The following KCNIP4 variants were observed in gnomAD, a reference collection of about 807,000 sequenced individuals.
The protein encoded by KCNIP4 is potassium voltage-gated channel interacting protein 4, also known as Kv channel-interacting protein 4.
In KCNIP4, 12 loss-of-function variants were observed where a neutral mutation model predicts 34.0. The observed-to-expected ratio is 0.35, with a 90% CI of 0.23 to 0.57. The LOEUF is 0.57. Ranked by LOEUF, KCNIP4 falls within the 20% of genes least tolerant of loss-of-function variation. KCNIP4 has a pLI of 0.83. For missense variants in KCNIP4, 238 were observed against 311.7 expected (o/e 0.76, Z 1.78); for synonymous variants, 124 against 102.2 (o/e 1.21, Z -1.29).
intron 1 of KCNIP4, among the ~76,000 whole-genome samples, chr4:21,477,775 A>G (rs1417167599): frequency 6.6e-6 from 1 of 152,198 alleles, no homozygotes; most frequent in African/African-American, 2.4e-5. Context: ...CTGCAAAAGC[A>G]AGTCCCATTG....
At chr4:21,123,150 T>C (rs1023930379) in intron 1 of KCNIP4, among the ~76,000 whole-genome samples, 4 of 151,824 alleles carry the variant, frequency 2.6e-5, no homozygotes, top group East Asian at 3.9e-4. Flanking sequence ...GAAGGCGGAG[T>C]TTGCAGTGAG....
chr4:21,419,638 AT>A (rs772036988), intron 1 of KCNIP4, among the ~76,000 whole-genome samples: 13 of 152,088 alleles, frequency 8.5e-5, no homozygotes, highest in Non-Finnish European at 1.6e-4. Context: ...ACTGTTATTT[AT>A]CATTGTTGAT....
At chr4:20,838,419 T>C (rs1719323809) in intron 3 of KCNIP4, among the ~76,000 whole-genome samples, 1 of 152,242 alleles carries the variant, frequency 6.6e-6, no homozygotes, top group African/African-American at 2.4e-5. Context: ...TTGTTGACTT[T>C]ATCAGAATGC....
chr4:21,793,388 G>T (rs1225282766), intron 1 of KCNIP4, among the ~76,000 whole-genome samples: 1 of 151,998 alleles, frequency 6.6e-6, no homozygotes, highest in Non-Finnish European at 1.5e-5. Context: ...CACCCCAGTA[G>T]CTGGGATTAC....
rs1560671353 is a variant in KCNIP4, at chr4:21,042,744, C to T, written c.62-160035G>A. ...TAAATGCCGATCACTCTGATTTGAT[C>T]GTGCACTACTTACACGTTTTGAAAC... On this transcript the variant is annotated intron_variant, in intron 1 of 8. Coordinates refer to ENST00000382152, the MANE Select transcript of KCNIP4 (RefSeq NM_025221.6). Among the ~76,000 whole-genome samples, 7 of 152,232 alleles carry T rather than the reference C, an allele frequency of 4.6e-5. No individual in the cohort carries two copies. The South Asian group carries it at 1.5e-3, about 32-fold the overall frequency.
intron 1 of KCNIP4, among the ~76,000 whole-genome samples, chr4:21,238,061 A>G (rs1759509736): frequency 6.6e-6 from 1 of 152,210 alleles, no homozygotes; most frequent in Admixed American, 6.5e-5. Context: ...CCTGGGATGC[A>G]AGGCTGGTTC....
At chr4:21,112,050 T>TATATATATATATATCC (rs1749249571) in intron 1 of KCNIP4, among the ~76,000 whole-genome samples, 73 of 151,874 alleles carry the variant, frequency 4.8e-4, no homozygotes, top group African/African-American at 1.7e-3. Context: ...TCTATCTATC[T>TATATATATATATATCC]ATCTATCTAT....
chr4:20,834,278 G>A (rs996010170), intron 3 of KCNIP4, among the ~76,000 whole-genome samples: 3 of 152,162 alleles, frequency 2.0e-5, no homozygotes, highest in Non-Finnish European at 2.9e-5. Context: ...GGGCTCAGTG[G>A]GGTGTCTTGA....
chr4:20,843,968 T>G (rs898832833), intron 3 of KCNIP4, among the ~76,000 whole-genome samples: 2 of 152,194 alleles, frequency 1.3e-5, no homozygotes, highest in African/African-American at 4.8e-5. Context: ...ATTATGAAGT[T>G]TAGTTACTTT....
At chr4:21,253,463 G>C (rs994032887) in intron 1 of KCNIP4, among the ~76,000 whole-genome samples, 1 of 152,148 alleles carries the variant, frequency 6.6e-6, no homozygotes, top group Non-Finnish European at 1.5e-5. Flanking sequence ...CTCCTTGTTA[G>C]CACCAACCTC....
chr4:21,214,600 C>T (rs1757435872), intron 1 of KCNIP4, among the ~76,000 whole-genome samples: 1 of 152,118 alleles, frequency 6.6e-6, no homozygotes, highest in South Asian at 2.1e-4. Context: ...AATTTTATCC[C>T]TGTATCTTAA....
intron 1 of KCNIP4, among the ~76,000 whole-genome samples, chr4:21,745,048 T>C (rs1207839734): frequency 6.6e-6 from 1 of 152,138 alleles, no homozygotes; most frequent in Non-Finnish European, 1.5e-5. Flanking sequence ...CTTGCAGAGA[T>C]GGCATTTTTG....
intron 7 of KCNIP4, among the ~76,000 whole-genome samples, chr4:20,732,311 A>G (rs1748505805): frequency 6.6e-6 from 1 of 152,148 alleles, no homozygotes; most frequent in African/African-American, 2.4e-5. Flanking sequence ...CCTAGGTAAA[A>G]TCCCACCTTC....
intron 1 of KCNIP4, chr4:21,303,738 A>T: frequency 1.6e-6 from 2 of 1,270,756 alleles, no homozygotes; most frequent in Non-Finnish European, 2.3e-6. Context: ...GGTGCCTCTT[A>T]CATTCACCTA....
At chr4:21,837,782 T>C (rs1409174053) in intron 1 of KCNIP4, among the ~76,000 whole-genome samples, 1 of 152,108 alleles carries the variant, frequency 6.6e-6, no homozygotes, top group East Asian at 1.9e-4. Flanking sequence ...AAGAAAATTT[T>C]ATAAATTGGA....
At chr4:21,692,089 T>G (rs1711722000) in intron 1 of KCNIP4, among the ~76,000 whole-genome samples, 1 of 152,180 alleles carries the variant, frequency 6.6e-6, no homozygotes, top group Admixed American at 6.6e-5. Context: ...AAGTGAGTTT[T>G]AAGAGTTTAC....
intron 5 of KCNIP4, among the ~76,000 whole-genome samples, chr4:20,736,771 C>CT (rs947685528): frequency 2.0e-5 from 3 of 152,014 alleles, no homozygotes; most frequent in African/African-American, 7.3e-5. Context: ...GGCCACAGAC[C>CT]TTTTTTAGCA....
At chr4:21,481,889 T>C (rs1481268312) in intron 1 of KCNIP4, among the ~76,000 whole-genome samples, 1 of 152,178 alleles carries the variant, frequency 6.6e-6, no homozygotes, top group Admixed American at 6.6e-5. Context: ...AGGCTAAATC[T>C]AAAAGTCACA....
chr4:21,159,145 G>A (rs1312435201), intron 1 of KCNIP4, among the ~76,000 whole-genome samples: 1 of 152,012 alleles, frequency 6.6e-6, no homozygotes, highest in East Asian at 1.9e-4. Flanking sequence ...ATCTAGACTA[G>A]CCAGGGAAAT....
Sources: gnomAD v4.1 joint callset for allele counts (sites outside exome capture counted in the v4.1 genomes callset) on GRCh38, gnomAD v4.1.1 for gene constraint, MANE v1.5 for transcripts, NCBI Gene and HGNC (gene_info 2026-07-23, HGNC 2026-07-21) for gene names.